The following EDIL3 variants were observed in gnomAD, a reference collection of about 807,000 sequenced individuals.
EDIL3 encodes the protein EGF like and discoidin domains 3, also known as EGF-like repeat and discoidin I-like domain-containing protein 3.
EDIL3 carries 37 observed loss-of-function variants against 67.4 expected under a neutral mutation model. The observed-to-expected ratio is 0.55, with a 90% CI of 0.42 to 0.72. The LOEUF (loss-of-function observed/expected upper bound fraction) is 0.72. Among genes scored for constraint, EDIL3 ranks in the 30% least tolerant of loss-of-function variants. The pLI is 0.00. For synonymous variants in EDIL3, 195 were observed against 196.3 expected (o/e 0.99, Z 0.05); for missense variants, 527 against 586.3 (o/e 0.90, Z 1.04).
intron 5 of EDIL3, among the ~76,000 whole-genome samples, chr5:84,126,860 G>A (rs1430590450): frequency 6.6e-6 from 1 of 152,056 alleles, no homozygotes; most frequent in Non-Finnish European, 1.5e-5. Flanking sequence ...AAGTGCTAAT[G>A]TTCTGGTAAA....
At chr5:84,233,781 C>T (rs1744627587) in intron 2 of EDIL3, among the ~76,000 whole-genome samples, 1 of 152,108 alleles carries the variant, frequency 6.6e-6, no homozygotes, top group Admixed American at 6.6e-5. Context: ...CTGGAAATAA[C>T]CCCTTCTCAC....
chr5:84,340,193 C>T (rs1422001174), intron 1 of EDIL3, among the ~76,000 whole-genome samples: 1 of 151,430 alleles, frequency 6.6e-6, no homozygotes, highest in Non-Finnish European at 1.5e-5. Flanking sequence ...ACAAATCTTG[C>T]TAAATTTATA....
chr5:84,014,470 C>A (rs1194972233), intron 9 of EDIL3, among the ~76,000 whole-genome samples: 6 of 152,124 alleles, frequency 3.9e-5, no homozygotes, highest in Admixed American at 2.0e-4. Flanking sequence ...TGTGGTGAAA[C>A]CCCGTGTCTA....
chr5:84,315,498 A>C (rs535034490), intron 1 of EDIL3, among the ~76,000 whole-genome samples: 3 of 152,324 alleles, frequency 2.0e-5, no homozygotes, highest in Admixed American at 2.0e-4. Flanking sequence ...AATTTTTTTA[A>C]AAAAGATTTA....
intron 10 of EDIL3, among the ~76,000 whole-genome samples, chr5:83,951,212 A>T (rs1432429062): frequency 6.6e-6 from 1 of 151,766 alleles, no homozygotes; most frequent in Non-Finnish European, 1.5e-5. Context: ...TAAACCATTA[A>T]AATGAATATA....
intron 4 of EDIL3, among the ~76,000 whole-genome samples, chr5:84,175,529 G>A (rs1748887700): frequency 6.6e-6 from 1 of 152,152 alleles, no homozygotes; most frequent in Admixed American, 6.5e-5. Flanking sequence ...GCAGGACAAA[G>A]GATTGTTAAT....
intron 6 of EDIL3, among the ~76,000 whole-genome samples, chr5:84,074,522 TC>T (rs1746812600): frequency 6.6e-6 from 1 of 151,676 alleles, no homozygotes; most frequent in Non-Finnish European, 1.5e-5. Flanking sequence ...AATAACCCCA[TC>T]AAAAAGTGGG....
intron 1 of EDIL3, among the ~76,000 whole-genome samples, chr5:84,360,026 C>T (rs1289047100): frequency 6.6e-6 from 1 of 152,096 alleles, no homozygotes; most frequent in African/African-American, 2.4e-5. Flanking sequence ...CCTGGGAGGT[C>T]ACACCTAGGA....
At chr5:84,262,969 G>A (rs1354193253) in intron 1 of EDIL3, among the ~76,000 whole-genome samples, 1 of 151,682 alleles carries the variant, frequency 6.6e-6, no homozygotes, top group Non-Finnish European at 1.5e-5. Flanking sequence ...CCGCGCCCCT[G>A]GCCCCAAGCA....
chr5:84,040,487 T>C (rs1746100373), intron 9 of EDIL3, among the ~76,000 whole-genome samples: 1 of 148,922 alleles, frequency 6.7e-6, no homozygotes, highest in Non-Finnish European at 1.5e-5. Flanking sequence ...TTTAATTATA[T>C]ATATAAAGGG....
rs77463175 is a variant in EDIL3 at position 84,134,840 on chromosome 5, C to G, written c.469+2401G>C. On this transcript the variant is annotated intron_variant, in intron 5 of 10. Transcript: ENST00000296591. The stretch of plus-strand genomic sequence containing the variant: ...GAGAATACAGGAAATGCTAGAATGC[C>G]AGATCATATGACAGTTGAAGGGAGG... Among the ~76,000 whole-genome samples, 3 of 152,088 alleles carry G rather than the reference C, an allele frequency of 2.0e-5. No individual in the cohort carries two copies. The East Asian group carries it at 5.8e-4, about 29-fold the overall frequency.
intron 4 of EDIL3, among the ~76,000 whole-genome samples, chr5:84,174,316 G>A (rs2112351665): frequency 6.6e-6 from 1 of 152,300 alleles, no homozygotes. Flanking sequence ...GGTGTCTGAG[G>A]ACAGAGGCCA....
chr5:84,117,020 A>ATTTTTTTTTTTTTTTT (rs34997139), intron 5 of EDIL3, among the ~76,000 whole-genome samples: 3 of 83,236 alleles, frequency 3.6e-5, no homozygotes, highest in African/African-American at 4.7e-5. Flanking sequence ...TTAAGTACTT[A>ATTTTTTTTTTTTTTTT]TTTTTTTTTT....
intron 3 of EDIL3, among the ~76,000 whole-genome samples, chr5:84,220,837 C>T (rs922963787): frequency 1.3e-5 from 2 of 152,112 alleles, no homozygotes; most frequent in African/African-American, 4.8e-5. Flanking sequence ...CATTTTTGTG[C>T]CCTCTCTGGT....
At position 84,180,413 on chromosome 5, in the gene EDIL3, T is replaced by C. The variant is rs1393914037; in HGVS notation, c.335A>G (p.Asn112Ser). Residue 112 changes from asparagine to serine, a missense_variant, in exon 4 of 11, where the codon AAT (asparagine) becomes AGT (serine). By Grantham distance (46) the Asn-to-Ser change is conservative (BLOSUM62 1). Transcript: ENST00000296591. Reference protein sequence around the residue: ...GYVCKCPRGFNGIHCQHNINE... With the variant: ...GYVCKCPRGFSGIHCQHNINE... ...CTTACTGTGCTGACAGTGAATCCCA[T>C]TAAATCCTCGGGGACATTTACAAAC... 1.9e-6 allele frequency: 3 copies of C among 1,600,892 alleles called. No individual in the cohort carries two copies. Among genetic ancestry groups the C allele is most frequent in the African/African-American group, 1.3e-5 (1 of 74,298 alleles).
chr5:84,040,865 C>T (rs1188939238), intron 9 of EDIL3, among the ~76,000 whole-genome samples: 1 of 152,302 alleles, frequency 6.6e-6, no homozygotes, highest in East Asian at 1.9e-4. Flanking sequence ...GGCACAGCGG[C>T]TCACGCCTGT....
At chr5:83,974,243 G>C (rs1213733149) in intron 9 of EDIL3, among the ~76,000 whole-genome samples, 5 of 151,686 alleles carry the variant, frequency 3.3e-5, no homozygotes, top group African/African-American at 7.3e-5. Context: ...CCTTATCAAA[G>C]GAAGTGGAAG....
intron 1 of EDIL3, among the ~76,000 whole-genome samples, chr5:84,317,684 T>C (rs1233123181): frequency 6.6e-6 from 1 of 152,138 alleles, no homozygotes; most frequent in Admixed American, 6.5e-5. Flanking sequence ...GAGCTATTTA[T>C]GACAAACCCA....
chr5:84,145,730 C>T (rs944200026), intron 4 of EDIL3, among the ~76,000 whole-genome samples: 4 of 151,994 alleles, frequency 2.6e-5, no homozygotes, highest in Admixed American at 6.6e-5. Flanking sequence ...TTTACGGTTG[C>T]TAGATTTGGT....
Sources: allele counts gnomAD v4.1 joint callset (sites outside exome capture counted in the v4.1 genomes callset), GRCh38; gene constraint gnomAD v4.1.1; transcripts MANE v1.5; gene names NCBI Gene and HGNC (gene_info 2026-07-23, HGNC 2026-07-21).